Variants in EHMT1 observed in about 807,000 individuals in gnomAD.
EHMT1 encodes the protein histone-lysine N-methyltransferase EHMT1.
EHMT1 carries 15 observed loss-of-function variants against 147.2 expected under a neutral mutation model. That is an observed-to-expected ratio of 0.10 (90% CI 0.07 to 0.16). The LOEUF (loss-of-function observed/expected upper bound fraction) is 0.16. Ranked by LOEUF, EHMT1 falls within the 10% of genes least tolerant of loss-of-function variation. The probability of loss-of-function intolerance (pLI) is 1.00; values close to 1 mark genes in which losing one functional copy is unlikely to be tolerated. For synonymous variants in EHMT1, 795 were observed against 709.6 expected, an observed-to-expected ratio of 1.12 and a Z score of -1.91; for missense variants, 1,587 against 1,772.4, an observed-to-expected ratio of 0.90 and a Z score of 1.88.
chr9:137,740,999 C>T (rs1297860598), intron 4 of EHMT1, among the ~76,000 whole-genome samples: 7 of 131,156 alleles, frequency 5.3e-5, no homozygotes, highest in Non-Finnish European at 7.8e-5. Context: ...TTGTTTGAGA[C>T]AGAGTCTCGC....
intron 18 of EHMT1, among the ~76,000 whole-genome samples, chr9:137,806,261 G>A (rs1451303579): frequency 6.6e-6 from 1 of 151,194 alleles, no homozygotes; most frequent in African/African-American, 2.4e-5. Flanking sequence ...ACGCCCAGCC[G>A]AGTGGTCTGT....
At chr9:137,803,609 C>G (rs558254284) in intron 18 of EHMT1, among the ~76,000 whole-genome samples, 4 of 152,246 alleles carry the variant, frequency 2.6e-5, no homozygotes, top group African/African-American at 9.6e-5. Context: ...GCTGTGAATA[C>G]TCATGCCTTC....
chr9:137,722,728 G>A lies in EHMT1; in HGVS notation c.642+5546G>A, dbSNP rs576283642. 2.2e-4 allele frequency among the ~76,000 whole-genome samples: 33 copies of A among 151,744 alleles called. 1 individual carries two copies. The highest frequency in any genetic ancestry group is 1.7e-3 in the South Asian group (8 of 4,804). On this transcript the variant is annotated intron_variant, in intron 3 of 26. Coordinates refer to ENST00000460843, the MANE Select transcript of EHMT1 (RefSeq NM_024757.5). ...TGTGTGGGCCCCACAGAGGTGGTGC[G>A]GCAGAGACTGTGGCGGTAGGGTGCC... is the stretch of plus-strand genomic sequence containing the variant.
In EHMT1 at chr9:137,759,139, C is replaced by A. The variant is rs1374857014; in HGVS notation, c.1501+1128C>A. Among the ~76,000 whole-genome samples, 18 of 151,308 alleles carry A rather than the reference C, an allele frequency of 1.2e-4. 1 individual carries two copies. Among genetic ancestry groups the A allele is most frequent in the Admixed American group, 1.1e-3 (17 of 15,192 alleles). ...GACTCCGTCTCAATTAAAAAAAAAA[C>A]AAAAAACAACAACAGCAGCAACAAC... On this transcript the variant is annotated intron_variant, in intron 9 of 26. Coordinates refer to ENST00000460843, the MANE Select transcript of EHMT1 (RefSeq NM_024757.5).
intron 1 of EHMT1, among the ~76,000 whole-genome samples, chr9:137,707,493 C>A (rs1210076143): frequency 1.3e-5 from 2 of 152,154 alleles, no homozygotes; most frequent in Non-Finnish European, 2.9e-5. Flanking sequence ...TGGAAGTGAG[C>A]ACTGGGGATG....
rs1945304476 is a variant in EHMT1 at position 137,716,521 on chromosome 9, G to A, written c.86-105G>A. The stretch of plus-strand genomic sequence containing the variant: ...GGAAGTTGTGGTGGTGTCATGGTGG[G>A]GGAGGAAGTTGTGGTGGTGTCATGG... On this transcript the variant is annotated intron_variant, in intron 2 of 26. Transcript: ENST00000460843. 9.0e-6 allele frequency: 8 copies of A among 891,282 alleles called. 1 individual carries two copies. The highest frequency in any genetic ancestry group is 8.6e-5 in the African/African-American group (5 of 57,956). The allele number at this position is 891,282 out of a possible 1,614,324, so 55.2% of individuals were successfully genotyped here. A position where few individuals can be genotyped will look rare whatever the true frequency, so the allele number is the denominator to read the frequency against.
intron 1 of EHMT1, among the ~76,000 whole-genome samples, chr9:137,678,110 C>A (rs1210974478): frequency 6.6e-6 from 1 of 152,072 alleles, no homozygotes; most frequent in Non-Finnish European, 1.5e-5. Context: ...AAATCTTAAT[C>A]AGGTTTAGTG....
intron 1 of EHMT1, among the ~76,000 whole-genome samples, chr9:137,635,823 AC>A (rs1168708147): frequency 4.6e-5 from 7 of 151,884 alleles, no homozygotes; most frequent in Non-Finnish European, 1.0e-4. Context: ...GTCTCAAAAA[AC>A]AAAACAAAAC....
At chr9:137,719,225 T>G (rs1945681699) in intron 3 of EHMT1, among the ~76,000 whole-genome samples, 1 of 152,184 alleles carries the variant, frequency 6.6e-6, no homozygotes. Context: ...AGATTTAGCT[T>G]TTTCCCCCAC....
At chr9:137,720,945 G>T (rs965374655) in intron 3 of EHMT1, among the ~76,000 whole-genome samples, 8 of 152,090 alleles carry the variant, frequency 5.3e-5, no homozygotes, top group African/African-American at 1.9e-4. Flanking sequence ...CCACACTCCA[G>T]AGTGGCTGCA....
chr9:137,728,087 C>A (rs762695951), intron 3 of EHMT1, among the ~76,000 whole-genome samples: 1 of 152,330 alleles, frequency 6.6e-6, no homozygotes, highest in East Asian at 1.9e-4. Context: ...GCTCATTCCT[C>A]CTTCTGGCCT....
chr9:137,671,524 T>C (rs796488778), intron 1 of EHMT1, among the ~76,000 whole-genome samples: 2,351 of 145,500 alleles, frequency 0.016, 23 homozygotes, highest in Middle Eastern at 0.021. Flanking sequence ...TTCTTTCTTT[T>C]TTTTTTTTTT....
intron 1 of EHMT1, among the ~76,000 whole-genome samples, chr9:137,701,441 A>G (rs1395935616): frequency 2.7e-5 from 4 of 149,790 alleles, no homozygotes; most frequent in Non-Finnish European, 4.4e-5. Context: ...GTGCCACCAC[A>G]CCTGGCTAAT....
rs973446578 is a variant in EHMT1, at chr9:137,707,819, A to G, written c.22-3148A>G. Among the ~76,000 whole-genome samples, 19 of 152,188 alleles carry G rather than the reference A, an allele frequency of 1.2e-4. No homozygotes were observed. In the East Asian group the frequency reaches 1.5e-3, roughly 12 times the overall value. ...ATGTGAGGGGCACAGCTGGTGCCCA[A>G]AAATGCCTGTAGACCCCGGCAGCCT... is the stretch of plus-strand genomic sequence containing the variant. On this transcript the variant is annotated intron_variant, in intron 1 of 26. Coordinates refer to ENST00000460843, the MANE Select transcript of EHMT1 (RefSeq NM_024757.5).
intron 1 of EHMT1, chr9:137,667,019 A>G (rs1444875607): frequency 6.6e-6 from 1 of 152,010 alleles, no homozygotes; most frequent in Non-Finnish European, 1.5e-5. Flanking sequence ...CTCTGAGGAA[A>G]CTCCAGCTCA....
At chr9:137,750,991 C>G (rs1313220617) in intron 6 of EHMT1, among the ~76,000 whole-genome samples, 1 of 152,224 alleles carries the variant, frequency 6.6e-6, no homozygotes, top group African/African-American at 2.4e-5. Flanking sequence ...GAGCTCCATT[C>G]TAGAGTCTGA....
At chr9:137,624,449 G>T (rs1843129444) in intron 1 of EHMT1, among the ~76,000 whole-genome samples, 1 of 151,938 alleles carries the variant, frequency 6.6e-6, no homozygotes, top group Non-Finnish European at 1.5e-5. Context: ...CCGAGTAGCT[G>T]TGATTACAGG....
At chr9:137,624,676 G>A (rs953365645) in intron 1 of EHMT1, among the ~76,000 whole-genome samples, 1 of 151,990 alleles carries the variant, frequency 6.6e-6, no homozygotes, top group Non-Finnish European at 1.5e-5. Flanking sequence ...TGGCCAGGCT[G>A]GTCTCGAACT....
chr9:137,661,442 T>C (rs1406684010), intron 1 of EHMT1, among the ~76,000 whole-genome samples: 2 of 151,918 alleles, frequency 1.3e-5, no homozygotes, highest in Non-Finnish European at 2.9e-5. Flanking sequence ...GTTGTAAAAA[T>C]CATACTTGAG....
Sources: gnomAD v4.1 joint callset for allele counts (sites outside exome capture counted in the v4.1 genomes callset) on GRCh38, gnomAD v4.1.1 for gene constraint, MANE v1.5 for transcripts, NCBI Gene and HGNC (gene_info 2026-07-23, HGNC 2026-07-21) for gene names.